Variants in MAEL observed in about 807,000 individuals in gnomAD.
The protein encoded by MAEL is protein maelstrom homolog.
In MAEL, 46 loss-of-function variants were observed where a neutral mutation model predicts 62.0. The ratio of observed to expected loss-of-function variants is 0.74; its 90% CI spans 0.59 to 0.95. The LOEUF (loss-of-function observed/expected upper bound fraction) is 0.95, where lower values mean the gene tolerates loss of function less well. Among genes scored for constraint, MAEL ranks in the 40% least tolerant of loss-of-function variants. MAEL has a pLI of 0.00. For synonymous variants in MAEL, 172 were observed against 175.5 expected (o/e 0.98, Z 0.16); for missense variants, 497 against 526.8 (o/e 0.94, Z 0.55).
At chr1:167,020,185 G>C (rs903623311) in intron 10 of MAEL, among the ~76,000 whole-genome samples, 13 of 152,126 alleles carry the variant, frequency 8.5e-5, no homozygotes, top group African/African-American at 3.1e-4. Flanking sequence ...TAATGCTGTA[G>C]ACTCATGTCT....
chr1:167,015,571 A>T (rs183118447), intron 8 of MAEL, among the ~76,000 whole-genome samples: 96 of 152,230 alleles, frequency 6.3e-4, no homozygotes, highest in African/African-American at 2.1e-3. Context: ...CTTGTCATGA[A>T]AGTGTGCTAT....
At chr1:167,012,799 A>G (rs1391569933) in intron 8 of MAEL, among the ~76,000 whole-genome samples, 1 of 152,180 alleles carries the variant, frequency 6.6e-6, no homozygotes, top group Non-Finnish European at 1.5e-5. Flanking sequence ...GCCTTGAGGT[A>G]AAGGCTTGGT....
At chr1:167,000,523 A>T (rs1664618452) in intron 5 of MAEL, among the ~76,000 whole-genome samples, 1 of 152,234 alleles carries the variant, frequency 6.6e-6, no homozygotes, top group Non-Finnish European at 1.5e-5. Context: ...AACACTGGTG[A>T]AATGACAAAG....
chr1:166,997,331 A>G lies in MAEL; in HGVS notation c.523+3262A>G, dbSNP rs187947971. 2.7e-3 allele frequency among the ~76,000 whole-genome samples: 412 copies of G among 152,300 alleles called. 2 individuals are homozygous for G. The highest frequency in any genetic ancestry group is 4.9e-3 in the Non-Finnish European group (335 of 68,022). On this transcript the variant is annotated intron_variant, in intron 5 of 11. Transcript: ENST00000367872. ...GCCGTGGGTTGTACAAGCGTGATAT[A>G]TATATTTCCTTTCCTGTGTTTTTTA...
At chr1:166,978,490 T>C (rs190113009) in intron 1 of MAEL, among the ~76,000 whole-genome samples, 2 of 152,304 alleles carry the variant, frequency 1.3e-5, no homozygotes, top group African/African-American at 4.8e-5. Context: ...TGATGGGATA[T>C]GGCACCCAGA....
At chr1:166,998,095 G>A (rs922466854) in intron 5 of MAEL, among the ~76,000 whole-genome samples, 5 of 152,152 alleles carry the variant, frequency 3.3e-5, no homozygotes, top group Non-Finnish European at 2.9e-5. Context: ...GTAGTTTGAT[G>A]ATATAGATAA....
chr1:167,004,275 C>T lies in MAEL; in HGVS notation c.619C>T (p.Pro207Ser), dbSNP rs762281378. Residue 207 changes from proline to serine, a missense_variant, in exon 6 of 12, where the codon CCA becomes TCA. Physicochemically the swap from Pro to Ser is moderately conservative, Grantham distance 74 (BLOSUM62 -1). Coordinates refer to ENST00000367872, the MANE Select transcript of MAEL (RefSeq NM_032858.3). ...CCTTTATAGATTTATTCATCCCAAC[C>T]CAGGGAACTGGCCACCTATCTACTG... ...QNLYRFIHPN[P>S]GNWPPIYCKS... is the part of the protein sequence containing the mutation. The T allele has an allele frequency of 6.2e-7, 1 of 1,607,170 alleles. No homozygotes were observed. Among genetic ancestry groups the T allele is most frequent in the Non-Finnish European group, 8.5e-7 (1 of 1,177,064 alleles).
chr1:167,006,342 T>C (rs1205019198), intron 8 of MAEL, among the ~76,000 whole-genome samples: 2 of 152,026 alleles, frequency 1.3e-5, no homozygotes, highest in Non-Finnish European at 2.9e-5. Context: ...TTTCATGATC[T>C]GGACATTTTT....
intron 6 of MAEL, among the ~76,000 whole-genome samples, 165 bp from the exon 7 acceptor site, chr1:167,004,911 A>G (rs1006837402): frequency 6.6e-6 from 1 of 152,122 alleles, no homozygotes; most frequent in East Asian, 1.9e-4. Flanking sequence ...ATATATGTCA[A>G]TTTTTTATAG....
chr1:167,012,115 A>G (rs1333403402), intron 8 of MAEL, among the ~76,000 whole-genome samples: 1 of 152,234 alleles, frequency 6.6e-6, no homozygotes, highest in Admixed American at 6.5e-5. Context: ...ATTGTAGTAT[A>G]CAATAGAAAC....
intron 10 of MAEL, 138 bp downstream of exon 10, chr1:167,018,097 A>C (rs755167850): frequency 2.8e-5 from 20 of 708,602 alleles, no homozygotes; most frequent in Non-Finnish European, 4.1e-5. Context: ...ACTTCATGGA[A>C]TGTCAAACAG....
intron 8 of MAEL, 134 bp from the exon 9 acceptor site, chr1:167,016,088 C>T: frequency 1.3e-6 from 1 of 758,022 alleles, no homozygotes; most frequent in South Asian, 1.6e-5. Context: ...TTTTAAAAAT[C>T]TTTGTGTTAA....
chr1:167,012,893 T>TGGG (rs57050010), intron 8 of MAEL, among the ~76,000 whole-genome samples: 4 of 151,712 alleles, frequency 2.6e-5, no homozygotes, highest in African/African-American at 4.9e-5. Flanking sequence ...TTGAAGCAGT[T>TGGG]GGGGGTCATA....
intron 5 of MAEL, among the ~76,000 whole-genome samples, chr1:167,003,176 ACTC>A (rs1476279214): frequency 2.6e-5 from 4 of 151,998 alleles, no homozygotes; most frequent in African/African-American, 7.3e-5. Flanking sequence ...GCAGCCTCAA[ACTC>A]CTGGCTCAAT....
intron 8 of MAEL, among the ~76,000 whole-genome samples, chr1:167,015,415 A>G (rs1665349781): frequency 6.6e-6 from 1 of 152,070 alleles, no homozygotes; most frequent in Non-Finnish European, 1.5e-5. Flanking sequence ...CAAATAATGG[A>G]CTTTTTACAC....
At chr1:166,982,575 C>G (rs1296155403) in intron 1 of MAEL, among the ~76,000 whole-genome samples, 7 of 152,090 alleles carry the variant, frequency 4.6e-5, no homozygotes, top group African/African-American at 1.4e-4. Flanking sequence ...GGAAAAAACT[C>G]AGCCACATTT....
chr1:166,988,008 A>T (rs1167365829), upstream of MAEL, among the ~76,000 whole-genome samples: 2 of 152,222 alleles, frequency 1.3e-5, no homozygotes, highest in Non-Finnish European at 2.9e-5. Context: ...AATAGTTTAT[A>T]CTAAGAATGG....
chr1:166,987,470 T>C (rs888763365), upstream of MAEL, among the ~76,000 whole-genome samples: 2 of 152,224 alleles, frequency 1.3e-5, no homozygotes, highest in Admixed American at 6.5e-5. Context: ...TGAATAGTGC[T>C]ACTCTCAAAA....
At chr1:166,987,014 T>C (rs1663940822), upstream of MAEL, among the ~76,000 whole-genome samples, 1 of 151,822 alleles carries the variant, frequency 6.6e-6, no homozygotes, top group Non-Finnish European at 1.5e-5. Flanking sequence ...CATTTGTTTT[T>C]ATGCCAATGT....
Sources: gnomAD v4.1 joint callset for allele counts (sites outside exome capture counted in the v4.1 genomes callset) on GRCh38, gnomAD v4.1.1 for gene constraint, MANE v1.5 for transcripts, NCBI Gene and HGNC (gene_info 2026-07-23, HGNC 2026-07-21) for gene names.